QRSL1: variants seen among roughly 807,000 people sequenced by gnomAD.
QRSL1 encodes the protein glutamyl-tRNA(Gln) amidotransferase subunit A, mitochondrial.
QRSL1 carries 54 observed loss-of-function variants against 61.6 expected under a neutral mutation model. The ratio of observed to expected loss-of-function variants is 0.88; its 90% CI spans 0.70 to 1.10. QRSL1 has a LOEUF of 1.10. QRSL1 is among the 50% of genes least tolerant of loss of function. The pLI is 0.00. For synonymous variants in QRSL1, 228 were observed against 225.7 expected, an observed-to-expected ratio of 1.01 and a Z score of -0.09; for missense variants, 505 against 622.6, an observed-to-expected ratio of 0.81 and a Z score of 2.01.
At chr6:106,650,062 C>T (rs1259939878) in intron 5 of QRSL1, among the ~76,000 whole-genome samples, 4 of 151,948 alleles carry the variant, frequency 2.6e-5, no homozygotes, top group Non-Finnish European at 5.9e-5. Flanking sequence ...ATCTTATTAA[C>T]AAGTAAAACC....
Position 106,666,743 on chromosome 6 carries a change from A to T in QRSL1, c.*741A>T, listed in dbSNP as rs985563257. 6.6e-6 allele frequency: 1 copy of T among 152,300 alleles called. No homozygotes were observed. The highest frequency in any genetic ancestry group is 2.4e-5 in the African/African-American group (1 of 41,450). The allele number at this position is 152,300 out of a possible 1,614,324, so 9.4% of individuals were successfully genotyped here. On this transcript the variant is annotated 3_prime_UTR_variant, in exon 11 of 11. Transcript: ENST00000369046. ...CCGCCTCAGGGGTTGTTAAAAATGC[A>T]CAGAAACAATTGAGTGCGATTATTG...
intron 1 of QRSL1, among the ~76,000 whole-genome samples, chr6:106,637,250 C>T (rs377269074): frequency 1.3e-5 from 2 of 152,082 alleles, no homozygotes; most frequent in Non-Finnish European, 2.9e-5. Flanking sequence ...GGAGATCAAA[C>T]GGATGTTAGT....
intron 3 of QRSL1, 118 bp from the exon 4 acceptor site, chr6:106,642,876 A>G: frequency 3.6e-6 from 3 of 824,070 alleles, no homozygotes; most frequent in East Asian, 2.4e-5. Flanking sequence ...GTGAGAACCA[A>G]TGGGAAGGCT....
At chr6:106,640,776 A>G in intron 2 of QRSL1, 47 bp from the exon 3 acceptor site, 2 of 1,480,142 alleles carry the variant, frequency 1.4e-6, no homozygotes, top group Middle Eastern at 1.8e-4. Flanking sequence ...ATGTATCTTT[A>G]TATTTTAAAC....
intron 1 of QRSL1, among the ~76,000 whole-genome samples, chr6:106,631,795 A>G (rs1776838145): frequency 6.6e-6 from 1 of 152,166 alleles, no homozygotes; most frequent in Non-Finnish European, 1.5e-5. Flanking sequence ...AGCATTTATC[A>G]TTTCTTTGTG....
rs1776768403 is a variant in QRSL1 at position 106,629,664 on chromosome 6, A to G, written c.-18A>G. Reference sequence around the variant, plus strand: ...CCCCTTGCCTGGCTCCTGTGGTGGCAGGCTGGGCACGAGGACCATGCTGGG... The same window carrying G: ...CCCCTTGCCTGGCTCCTGTGGTGGCGGGCTGGGCACGAGGACCATGCTGGG... On this transcript the variant is annotated 5_prime_UTR_variant, in exon 1 of 11. Coordinates refer to ENST00000369046, the MANE Select transcript of QRSL1 (RefSeq NM_018292.5). 6.2e-7 allele frequency: 1 copy of G among 1,602,650 alleles called. No individual in the cohort carries two copies. Among genetic ancestry groups the G allele is most frequent in the African/African-American group, 1.3e-5 (1 of 74,820 alleles).
chr6:106,646,977 G>A lies in QRSL1; in HGVS notation c.381-2048G>A, dbSNP rs576150821. Among the ~76,000 whole-genome samples the A allele has an allele frequency of 4.9e-4, 63 of 127,890 alleles. 1 individual carries two copies. The highest frequency in any genetic ancestry group is 1.7e-3 in the African/African-American group (59 of 34,066). The allele number at this position is 127,890 out of a possible 152,430, so 83.9% of individuals were successfully genotyped here. On this transcript the variant is annotated intron_variant, in intron 4 of 10. Coordinates refer to ENST00000369046, the MANE Select transcript of QRSL1 (RefSeq NM_018292.5). Reference sequence around the variant, plus strand: ...CGGGAGGCAGAGGTTGCAGTGAGCCGAAATCACGCCACTGCACTCCAGCCT... The same window carrying A: ...CGGGAGGCAGAGGTTGCAGTGAGCCAAAATCACGCCACTGCACTCCAGCCT...
chr6:106,636,353 G>A (rs536234914), intron 1 of QRSL1, among the ~76,000 whole-genome samples: 151 of 140,968 alleles, frequency 1.1e-3, no homozygotes, highest in African/African-American at 3.8e-3. Flanking sequence ...ACGGAGTCTC[G>A]CTCTGTCTCC....
At chr6:106,649,555 AACAT>A (rs571385465) in intron 5 of QRSL1, among the ~76,000 whole-genome samples, 21 of 152,252 alleles carry the variant, frequency 1.4e-4, no homozygotes, top group Non-Finnish European at 2.1e-4. Flanking sequence ...TTTAGGGACT[AACAT>A]ACAATGGCTT....
At chr6:106,642,910 C>T (rs891409642) in intron 3 of QRSL1, 84 bp from the exon 4 acceptor site, 26 of 983,334 alleles carry the variant, frequency 2.6e-5, no homozygotes, top group Non-Finnish European at 3.7e-5. Flanking sequence ...AGCCTATTCC[C>T]TGTGAATTCA....
At position 106,643,796 on chromosome 6, in the gene QRSL1, AT is replaced by A. The variant is rs564910322; in HGVS notation, c.380+707del. 2.5e-3 allele frequency among the ~76,000 whole-genome samples: 387 copies of A among 152,026 alleles called. 2 individuals carry two copies. Among genetic ancestry groups the A allele is most frequent in the African/African-American group, 8.8e-3 (367 of 41,504 alleles). On this transcript the variant is annotated intron_variant, in intron 4 of 10. Coordinates refer to ENST00000369046, the MANE Select transcript of QRSL1 (RefSeq NM_018292.5). ...TGGTTTATCTTTTTATTCTCTGAAC[AT>A]GCCTTTCAAAGAGTAAAAGTTCTTA...
intron 9 of QRSL1, among the ~76,000 whole-genome samples, chr6:106,659,575 G>C (rs1777324356): frequency 6.6e-6 from 1 of 151,756 alleles, no homozygotes; most frequent in South Asian, 2.1e-4. Flanking sequence ...CTCTGGTTAT[G>C]GGTCATATTT....
chr6:106,664,649 C>G (rs1222518238), intron 10 of QRSL1, among the ~76,000 whole-genome samples: 1 of 152,182 alleles, frequency 6.6e-6, no homozygotes, highest in East Asian at 1.9e-4. Flanking sequence ...CAGATTGCTT[C>G]CTCATGATTG....
rs1209327633 is a variant in QRSL1 at position 106,668,245 on chromosome 6, T to A, written c.*2243T>A. The A allele has an allele frequency of 6.6e-6, 1 of 152,146 alleles. No homozygotes were observed. The highest frequency in any genetic ancestry group is 1.5e-5 in the Non-Finnish European group (1 of 68,032). 9.4% of individuals were successfully genotyped at this position (152,146 alleles called of 1,614,324 possible). A position where few individuals can be genotyped will look rare whatever the true frequency, so the allele number is the denominator to read the frequency against. On this transcript the variant is annotated 3_prime_UTR_variant, in exon 11 of 11. Coordinates refer to ENST00000369046, the MANE Select transcript of QRSL1 (RefSeq NM_018292.5). Reference sequence around the variant, plus strand: ...TTAAAAAGTGAAACATTTACCGTTCTCATATACTGATACCCAACTACCATG... The same window carrying A: ...TTAAAAAGTGAAACATTTACCGTTCACATATACTGATACCCAACTACCATG...
intron 7 of QRSL1, 56 bp from the exon 8 acceptor site, chr6:106,654,674 T>C (rs1363864639): frequency 8.1e-5 from 118 of 1,452,832 alleles, no homozygotes; most frequent in Non-Finnish European, 7.7e-5. Flanking sequence ...GAAGTACAAA[T>C]TTTTATAAAA....
At position 106,649,112 on chromosome 6, in the gene QRSL1, C is replaced by A; in HGVS notation, c.468C>A (p.Pro156=). 6.2e-7 allele frequency: 1 copy of A among 1,614,136 alleles called. No homozygotes were observed. The change falls in exon 5 of 11, where the codon CCC becomes CCA. Residue 156 remains proline (P), a synonymous_variant. Coordinates refer to ENST00000369046, the MANE Select transcript of QRSL1 (RefSeq NM_018292.5). ...KQYREKRKQN[P]HSENEDSDWL... ...ATAGAGAAAAGAGGAAGCAGAATCC[C>A]CACAGCGAGAATGAAGATTCAGACT...
chr6:106,637,060 C>A (rs895136226), intron 1 of QRSL1, among the ~76,000 whole-genome samples: 3 of 152,210 alleles, frequency 2.0e-5, no homozygotes, highest in Non-Finnish European at 4.4e-5. Context: ...AGTTGCACTG[C>A]AAGGTGTTGC....
At chr6:106,657,166 G>T (rs1325498335) in intron 9 of QRSL1, among the ~76,000 whole-genome samples, 1 of 152,018 alleles carries the variant, frequency 6.6e-6, no homozygotes, top group Non-Finnish European at 1.5e-5. Flanking sequence ...CAACTCGAGA[G>T]ACTGAGGCAG....
At chr6:106,658,183 T>G (rs1453685441) in intron 9 of QRSL1, among the ~76,000 whole-genome samples, 1 of 152,144 alleles carries the variant, frequency 6.6e-6, no homozygotes, top group Non-Finnish European at 1.5e-5. Context: ...AAAAATAGTG[T>G]CATTTATATT....
Sources: gnomAD v4.1 joint callset for allele counts (sites outside exome capture counted in the v4.1 genomes callset) on GRCh38, gnomAD v4.1.1 for gene constraint, MANE v1.5 for transcripts, NCBI Gene and HGNC (gene_info 2026-07-23, HGNC 2026-07-21) for gene names.